Variants in MYCBP2 observed in about 807,000 individuals in gnomAD.
MYCBP2 encodes the protein MYC binding protein 2, also known as E3 ubiquitin-protein ligase MYCBP2.
MYCBP2 carries 120 observed loss-of-function variants against 525.3 expected under a neutral mutation model. The observed-to-expected ratio is 0.23, with a 90% CI of 0.20 to 0.27. MYCBP2 has a LOEUF of 0.27. MYCBP2 is among the 10% of genes least tolerant of loss of function. The pLI, the probability that MYCBP2 is intolerant of heterozygous loss-of-function variation, is 1.00. For missense variants in MYCBP2, 4,149 were observed against 5,657.1 expected, an observed-to-expected ratio of 0.73 and a Z score of 8.55; for synonymous variants, 1,894 against 1,955.8, an observed-to-expected ratio of 0.97 and a Z score of 0.83.
At chr13:77,063,067 T>C (rs1487623094) in intron 73 of MYCBP2, among the ~76,000 whole-genome samples, 2 of 152,208 alleles carry the variant, frequency 1.3e-5, no homozygotes, top group Non-Finnish European at 2.9e-5. Context: ...TTAGTATCAT[T>C]AAATGCCAAA....
At chr13:77,126,227 G>A (rs2051648180) in intron 53 of MYCBP2, 91 bp downstream of exon 53, 3 of 1,033,550 alleles carry the variant, frequency 2.9e-6, no homozygotes, top group African/African-American at 3.2e-5. Flanking sequence ...AAAAACCTGT[G>A]GTAGAAATGG....
chr13:77,260,239 C>CTA (rs2073030267), intron 13 of MYCBP2, among the ~76,000 whole-genome samples, 189 bp downstream of exon 13: 2 of 152,148 alleles, frequency 1.3e-5, no homozygotes. Flanking sequence ...TTGCATGAAA[C>CTA]TAGGGACAGT....
At chr13:77,231,911 C>CTTAGGTTGAAAATT (rs762078250) in intron 18 of MYCBP2, among the ~76,000 whole-genome samples, 1 of 152,166 alleles carries the variant, frequency 6.6e-6, no homozygotes, top group Non-Finnish European at 1.5e-5. Context: ...TTTTTGGAAT[C>CTTAGGTTGAAAATT]AGCTGTCTTA....
At chr13:77,072,184 G>A (rs1212656100) in intron 68 of MYCBP2, among the ~76,000 whole-genome samples, 1 of 151,786 alleles carries the variant, frequency 6.6e-6, no homozygotes, top group African/African-American at 2.4e-5. Context: ...CCAGCTACTT[G>A]GGAGGCTGAG....
intron 52 of MYCBP2, among the ~76,000 whole-genome samples, chr13:77,138,037 G>T (rs1292670957): frequency 1.3e-5 from 2 of 152,084 alleles, no homozygotes; most frequent in African/African-American, 2.4e-5. Context: ...TTAACTGCAG[G>T]TATAAATCTG....
intron 55 of MYCBP2, among the ~76,000 whole-genome samples, chr13:77,111,472 C>T (rs1490457094): frequency 4.1e-5 from 6 of 147,168 alleles, no homozygotes; most frequent in Admixed American, 6.8e-5. Context: ...GGGTCTTGCT[C>T]TTTTCGCCCA....
rs2082407291 is a variant in MYCBP2, at chr13:77,327,038, C to G, written c.-263G>C. On this transcript the variant is annotated 5_prime_UTR_variant, in exon 1 of 83. Coordinates refer to ENST00000544440, the MANE Select transcript of MYCBP2 (RefSeq NM_015057.5). Reference sequence around the variant, plus strand: ...GAGGAGGAGGCGGTGCCGCCACTGCCGCCGCCACCACCGCTACCACCGCCA... The same window carrying G: ...GAGGAGGAGGCGGTGCCGCCACTGCGGCCGCCACCACCGCTACCACCGCCA... 1 of 437,580 alleles carries G rather than the reference C, an allele frequency of 2.3e-6. No individual in the cohort carries two copies. The highest frequency in any genetic ancestry group is 4.4e-5 in the Admixed American group (1 of 22,868). The allele number at this position is 437,580 out of a possible 1,614,324, so 27.1% of individuals were successfully genotyped here.
intron 12 of MYCBP2, 22 bp downstream of exon 12, chr13:77,261,149 C>T: frequency 6.4e-7 from 1 of 1,559,712 alleles, no homozygotes; most frequent in Non-Finnish European, 8.8e-7. Context: ...TTATTAAATG[C>T]ATAGTTGATC....
chr13:77,131,627 A>G (rs1329775299), intron 52 of MYCBP2, among the ~76,000 whole-genome samples: 2 of 152,096 alleles, frequency 1.3e-5, no homozygotes, highest in Non-Finnish European at 2.9e-5. Context: ...CAAAGCCCCA[A>G]TTTCTCACTA....
In MYCBP2 at chr13:77,176,597, T is replaced by C; in HGVS notation, c.5372A>G (p.His1791Arg). 6.3e-7 allele frequency: 1 copy of C among 1,586,162 alleles called. No homozygotes were observed. The highest frequency in any genetic ancestry group is 1.7e-5 in the Admixed American group (1 of 59,602). Residue 1791 changes from histidine (H) to arginine (R), a missense_variant, in exon 36 of 83, where the codon CAC (histidine) becomes CGC (arginine). Around this residue, in one of 21 missense-constraint regions of MYCBP2, gnomAD observed 109 missense variants for 118.9 expected, o/e 0.92. Transcript: ENST00000544440. ...SEHAGDSTHS[H>R]RWTSLELVKG... The stretch of plus-strand genomic sequence containing the variant: ...CACTAATTCCAGAGATGTCCATCTG[T>C]GGGAATGAGTTGAATCTCCTGCATG...
intron 55 of MYCBP2, among the ~76,000 whole-genome samples, chr13:77,103,660 G>A (rs993777485): frequency 6.6e-6 from 1 of 151,124 alleles, no homozygotes; most frequent in African/African-American, 2.4e-5. Flanking sequence ...AGATTTACAA[G>A]TTTTTTTTTA....
intron 45 of MYCBP2, among the ~76,000 whole-genome samples, chr13:77,156,718 T>C (rs533622729): frequency 8.3e-4 from 126 of 152,332 alleles, no homozygotes; most frequent in Non-Finnish European, 1.5e-3. Flanking sequence ...ATTACCTTGC[T>C]TTCCACCTAA....
chr13:77,285,958 C>T (rs1056453362), intron 3 of MYCBP2, among the ~76,000 whole-genome samples: 2 of 151,836 alleles, frequency 1.3e-5, no homozygotes, highest in African/African-American at 2.4e-5. Flanking sequence ...TAGGACATTG[C>T]AGACAAAGGA....
intron 82 of MYCBP2, among the ~76,000 whole-genome samples, chr13:77,050,294 C>T (rs1055612309): frequency 6.6e-6 from 1 of 152,076 alleles, no homozygotes; most frequent in Non-Finnish European, 1.5e-5. Context: ...TTTGACAACA[C>T]GGTATATTGT....
At position 77,194,229 on chromosome 13, in the gene MYCBP2, G is replaced by T; in HGVS notation, c.3859C>A (p.Pro1287Thr). ...TAKIKLFELG[P>T]DGGDHETDGD... ...TCAGTTTCATGATCTCCTCCATCAG[G>T]ACCCAATTCAAACAGCTAAGGAAAG... Residue 1287 changes from proline to threonine, a missense_variant, in exon 27 of 83, where the codon CCT becomes ACT. Physicochemically the swap from Pro to Thr is conservative, Grantham distance 38 (BLOSUM62 -1). Coordinates refer to ENST00000544440, the MANE Select transcript of MYCBP2 (RefSeq NM_015057.5). The T allele has an allele frequency of 2.5e-6, 4 of 1,612,716 alleles. No individual in the cohort carries two copies. Among genetic ancestry groups the T allele is most frequent in the Non-Finnish European group, 2.5e-6 (3 of 1,179,000 alleles).
chr13:77,304,338 A>G (rs888009776), intron 1 of MYCBP2, among the ~76,000 whole-genome samples: 1 of 152,200 alleles, frequency 6.6e-6, no homozygotes, highest in African/African-American at 2.4e-5. Context: ...ACCGTGGATG[A>G]GCCTGGAGGA....
intron 52 of MYCBP2, among the ~76,000 whole-genome samples, chr13:77,134,584 A>C (rs1445334762): frequency 1.4e-5 from 2 of 143,016 alleles, no homozygotes; most frequent in Admixed American, 1.4e-4. Flanking sequence ...AAAAATAACA[A>C]AAAAAAAAAG....
At chr13:77,165,618 CT>C (rs906595289) in intron 41 of MYCBP2, among the ~76,000 whole-genome samples, 4 of 152,092 alleles carry the variant, frequency 2.6e-5, no homozygotes, top group African/African-American at 9.7e-5. Context: ...TGAATTGTTA[CT>C]TTTTTTCATA....
At chr13:77,294,129 TAC>T (rs1555465423) in intron 2 of MYCBP2, among the ~76,000 whole-genome samples, 1,189 of 26,014 alleles carry the variant, frequency 0.046, 38 homozygotes, top group African/African-American at 0.085. Context: ...TATATATATA[TAC>T]ATATATATAT....
Sources: allele counts gnomAD v4.1 joint callset (sites outside exome capture counted in the v4.1 genomes callset), GRCh38; gene constraint gnomAD v4.1.1; regional missense constraint gnomAD v4.1.1; transcripts MANE v1.5; gene names NCBI Gene and HGNC (gene_info 2026-07-23, HGNC 2026-07-21).